The following YPEL1 variants were observed in gnomAD, a reference collection of about 807,000 sequenced individuals.
YPEL1 encodes the protein protein yippee-like 1.
YPEL1 carries 7 observed loss-of-function variants against 17.3 expected under a neutral mutation model. That is an observed-to-expected ratio of 0.40 (90% CI 0.23 to 0.76). The LOEUF (loss-of-function observed/expected upper bound fraction) is 0.76, where lower values mean the gene tolerates loss of function less well. Among genes scored for constraint, YPEL1 ranks in the 30% least tolerant of loss-of-function variants. YPEL1 has a pLI of 0.35. For missense variants in YPEL1, 91 were observed against 155.5 expected, an observed-to-expected ratio of 0.59 and a Z score of 2.21; for synonymous variants, 59 against 59.6, an observed-to-expected ratio of 0.99 and a Z score of 0.05.
At chr22:21,723,341 T>G (rs2068301982) in intron 1 of YPEL1, among the ~76,000 whole-genome samples, 1 of 148,574 alleles carries the variant, frequency 6.7e-6, no homozygotes, top group Admixed American at 6.7e-5. Context: ...ACTACAGAAG[T>G]GCACACTGCA....
chr22:21,723,975 T>C (rs971473940), intron 1 of YPEL1, among the ~76,000 whole-genome samples: 3 of 152,186 alleles, frequency 2.0e-5, no homozygotes, highest in African/African-American at 7.2e-5. Context: ...CCTGGGATTT[T>C]ATTTTTTAAG....
rs2068085890 is a variant in YPEL1, at chr22:21,703,537, C to T, written c.162-59G>A. 1.9e-5 allele frequency: 29 copies of T among 1,488,548 alleles called. 1 individual carries two copies. The South Asian group carries it at 2.9e-4, about 15-fold the overall frequency. The allele number at this position is 1,488,548 out of a possible 1,614,324, so 92.2% of individuals were successfully genotyped here. ...CCGGCCCGCCCCTGACCAGGCCCTGCCCCCTCAGCGGGCCCCACCCCATCC... is the reference window on the plus strand; with the variant it reads ...CCGGCCCGCCCCTGACCAGGCCCTGTCCCCTCAGCGGGCCCCACCCCATCC... On this transcript the variant is annotated intron_variant, in intron 3 of 4. Coordinates refer to ENST00000339468, the MANE Select transcript of YPEL1 (RefSeq NM_013313.5). The surrounding 1 kb of genome is among the most constrained non-coding windows in gnomAD (Gnocchi z 6.1).
At chr22:21,733,504 G>A (rs1293391370) in intron 1 of YPEL1, among the ~76,000 whole-genome samples, 1 of 152,052 alleles carries the variant, frequency 6.6e-6, no homozygotes, top group Non-Finnish European at 1.5e-5. Flanking sequence ...GAGGCAAGGG[G>A]GGAGGATCGC....
intron 1 of YPEL1, among the ~76,000 whole-genome samples, chr22:21,721,667 A>G (rs899684414): frequency 6.6e-6 from 1 of 151,846 alleles, no homozygotes; most frequent in African/African-American, 2.4e-5. Flanking sequence ...CAAGTGATCC[A>G]CCTGCTTTGG....
chr22:21,709,511 C>T lies in YPEL1; in HGVS notation c.117+1117G>A, dbSNP rs77591077. ...AGATTCCTGGCTGGGCGTGGTGACT[C>T]ACACCTATAATCCCAGCACTTTGGG... On this transcript the variant is annotated intron_variant, in intron 2 of 4. Coordinates refer to ENST00000339468, the MANE Select transcript of YPEL1 (RefSeq NM_013313.5). Among the ~76,000 whole-genome samples the T allele has an allele frequency of 7.2e-5, 11 of 152,286 alleles. No individual in the cohort carries two copies. In the East Asian group the frequency reaches 2.1e-3, roughly 29 times the overall value.
At chr22:21,718,604 T>C (rs2068251452) in intron 1 of YPEL1, among the ~76,000 whole-genome samples, 1 of 152,168 alleles carries the variant, frequency 6.6e-6, no homozygotes. Context: ...CTGCAGCGCC[T>C]GGAGAACAGT....
intron 1 of YPEL1, among the ~76,000 whole-genome samples, chr22:21,717,264 T>C (rs1364170743): frequency 6.6e-6 from 1 of 151,392 alleles, no homozygotes; most frequent in East Asian, 1.9e-4. Context: ...TAGTCTCAGC[T>C]ACTCAGGAGG....
chr22:21,706,470 G>A (rs1391859457), intron 2 of YPEL1, among the ~76,000 whole-genome samples: 2 of 152,030 alleles, frequency 1.3e-5, no homozygotes, highest in Admixed American at 6.6e-5. Flanking sequence ...ATTTAACCTG[G>A]AAGTCAGGTA....
intron 1 of YPEL1, among the ~76,000 whole-genome samples, chr22:21,714,245 G>A (rs1410821129): frequency 1.3e-5 from 2 of 152,228 alleles, no homozygotes; most frequent in Admixed American, 6.5e-5. Context: ...ACAAACGGCC[G>A]GTGGCGGCCA....
intron 1 of YPEL1, among the ~76,000 whole-genome samples, chr22:21,717,212 C>G (rs532261033): frequency 1.6e-3 from 239 of 152,054 alleles, no homozygotes; most frequent in Admixed American, 4.9e-3. Context: ...CCCGTCTCTA[C>G]TAAAAATACA....
intron 1 of YPEL1, among the ~76,000 whole-genome samples, chr22:21,726,445 C>T (rs2068336208): frequency 6.6e-6 from 1 of 152,214 alleles, no homozygotes; most frequent in Non-Finnish European, 1.5e-5. Flanking sequence ...GCGGCCACCA[C>T]AGTCCCACAG....
intron 1 of YPEL1, among the ~76,000 whole-genome samples, chr22:21,714,641 G>A (rs149807576): frequency 3.2e-4 from 48 of 152,240 alleles, no homozygotes; most frequent in African/African-American, 9.9e-4. Flanking sequence ...CAGGTGTTTC[G>A]TTGGAACAAT....
intron 1 of YPEL1, among the ~76,000 whole-genome samples, chr22:21,730,638 C>T (rs2068377693): frequency 6.6e-6 from 1 of 152,236 alleles, no homozygotes; most frequent in Non-Finnish European, 1.5e-5. Flanking sequence ...GCAATTCCAG[C>T]TTCCATCCAC....
chr22:21,731,110 AC>A (rs1238439003), intron 1 of YPEL1, among the ~76,000 whole-genome samples: 1 of 151,918 alleles, frequency 6.6e-6, no homozygotes, highest in Non-Finnish European at 1.5e-5. Flanking sequence ...GTGCATGGTG[AC>A]TCATGCCTGT....
intron 1 of YPEL1, among the ~76,000 whole-genome samples, chr22:21,722,407 C>T (rs2068292007): frequency 6.6e-6 from 1 of 152,012 alleles, no homozygotes; most frequent in South Asian, 2.1e-4. Flanking sequence ...CAGAGTGAGA[C>T]TCGTTCTCAA....
intron 2 of YPEL1, among the ~76,000 whole-genome samples, chr22:21,705,369 A>C (rs963322867): frequency 1.1e-4 from 16 of 152,234 alleles, no homozygotes; most frequent in South Asian, 2.1e-4. Flanking sequence ...CCACAAAGGA[A>C]ACCGCATATG....
At chr22:21,711,251 T>C (rs2068163052) in intron 1 of YPEL1, among the ~76,000 whole-genome samples, 1 of 152,178 alleles carries the variant, frequency 6.6e-6, no homozygotes, top group Non-Finnish European at 1.5e-5. Context: ...TTAGTATCAA[T>C]TGTAGACAAA....
Position 21,703,397 on chromosome 22 carries a change from G to C in YPEL1, c.243C>G (p.Asn81Lys). ...LHAVADIYCE[N>K]CKTTLGWKYE... ...ATTTCCACCCGAGCGTGGTCTTGCA[G>C]TTCTCGCAGTAGATGTCGGCAACCG... is the stretch of plus-strand genomic sequence containing the variant. Residue 81 changes from asparagine to lysine, a missense_variant, in exon 4 of 5, where the codon AAC (asparagine) becomes AAG (lysine). Transcript: ENST00000339468. The surrounding 1 kb of genome is among the most constrained non-coding windows in gnomAD (Gnocchi z 6.1). 1 of 1,613,652 alleles carries C rather than the reference G, an allele frequency of 6.2e-7. No individual in the cohort carries two copies. Among genetic ancestry groups the C allele is most frequent in the Middle Eastern group, 1.6e-4 (1 of 6,062 alleles).
In YPEL1 at chr22:21,733,105, A is replaced by C. The variant is rs569955178; in HGVS notation, c.-165+2510T>G. 2.7e-3 allele frequency among the ~76,000 whole-genome samples: 416 copies of C among 151,860 alleles called. 1 individual carries two copies. Among genetic ancestry groups the C allele is most frequent in the African/African-American group, 9.4e-3 (391 of 41,430 alleles). ...TACCCCAGGCTTGAGTGACAAAGCA[A>C]GACTCTGTCTCTCTAATATAACAAA... is the stretch of plus-strand genomic sequence containing the variant. On this transcript the variant is annotated intron_variant, in intron 1 of 4. Transcript: ENST00000339468.
Sources: gnomAD v4.1 joint callset for allele counts (sites outside exome capture counted in the v4.1 genomes callset) on GRCh38, gnomAD v4.1.1 for gene constraint, Gnocchi (gnomAD v3.1) non-coding constraint, MANE v1.5 for transcripts, NCBI Gene and HGNC (gene_info 2026-07-23, HGNC 2026-07-21) for gene names.